PDE4A: variants seen among roughly 807,000 people sequenced by gnomAD.
PDE4A encodes the protein 3',5'-cyclic-AMP phosphodiesterase 4A.
Under a neutral mutation model 73.9 loss-of-function variants are expected in PDE4A, and 21 were observed. The observed-to-expected ratio is 0.28, with a 90% CI of 0.20 to 0.41. The LOEUF is 0.41. Ranked by LOEUF, PDE4A falls within the 10% of genes least tolerant of loss-of-function variation. PDE4A has a pLI of 1.00. For missense variants in PDE4A, 958 were observed against 1,211.4 expected (o/e 0.79, Z 3.10); for synonymous variants, 463 against 505.4 (o/e 0.92, Z 1.13).
intron 6 of PDE4A, among the ~76,000 whole-genome samples, chr19:10,452,020 GGTGT>G (rs58194674): frequency 0.086 from 12,082 of 140,064 alleles, 744 homozygotes; most frequent in African/African-American, 0.16. Flanking sequence ...TTTCTGCAAT[GGTGT>G]GTGTGTGTGT....
At chr19:10,457,063 T>A (rs2043181657) in intron 7 of PDE4A, among the ~76,000 whole-genome samples, 1 of 152,128 alleles carries the variant, frequency 6.6e-6, no homozygotes. Context: ...CCGGGCGCGG[T>A]GGCGGGTGCC....
At chr19:10,428,921 G>A (rs2042751784) in intron 1 of PDE4A, 2 of 971,882 alleles carry the variant, frequency 2.1e-6, no homozygotes, top group African/African-American at 1.8e-5. Context: ...GGCCAACATG[G>A]TGAAACCCCA....
chr19:10,420,673 C>G lies in PDE4A; in HGVS notation c.-92C>G. On this transcript the variant is annotated 5_prime_UTR_variant, in exon 1 of 15. Transcript: ENST00000380702. This position sits in a 1 kb window ranked among gnomAD's most constrained non-coding sequence, Gnocchi z 6.0. ...GCCCTACCGCGGCCGGGCGCACCCGCGGGGCCCTGGGCTCGCTGGCTTGCG... is the reference window on the plus strand; with the variant it reads ...GCCCTACCGCGGCCGGGCGCACCCGGGGGGCCCTGGGCTCGCTGGCTTGCG... 7.3e-7 allele frequency: 1 copy of G among 1,368,898 alleles called. No individual in the cohort carries two copies. The highest frequency in any genetic ancestry group is 9.3e-7 in the Non-Finnish European group (1 of 1,069,550). The allele number at this position is 1,368,898 out of a possible 1,614,324, so 84.8% of individuals were successfully genotyped here. A position where few individuals can be genotyped will look rare whatever the true frequency, so the allele number is the denominator to read the frequency against.
intron 1 of PDE4A, chr19:10,432,427 T>A (rs2042806444): frequency 1.4e-6 from 2 of 1,428,512 alleles, no homozygotes; most frequent in African/African-American, 1.5e-5. Flanking sequence ...CGACGGCGCT[T>A]GGCTCCCATG....
intron 7 of PDE4A, among the ~76,000 whole-genome samples, chr19:10,455,656 C>T (rs1376388598): frequency 6.6e-6 from 1 of 151,414 alleles, no homozygotes; most frequent in Non-Finnish European, 1.5e-5. Context: ...CAAACAAACA[C>T]CTCTTTGTTT....
At chr19:10,418,017 A>AC (rs2042605091), upstream of PDE4A, among the ~76,000 whole-genome samples, 2 of 152,112 alleles carry the variant, frequency 1.3e-5, no homozygotes, top group South Asian at 4.2e-4. Flanking sequence ...TGACACCCCT[A>AC]CCCCAAGGCA....
chr19:10,442,159 C>T (rs924841433), intron 1 of PDE4A, among the ~76,000 whole-genome samples: 4 of 152,056 alleles, frequency 2.6e-5, no homozygotes, highest in Non-Finnish European at 4.4e-5. Flanking sequence ...AGGAACCCCC[C>T]GCTTCCCCTT....
chr19:10,435,434 G>A (rs143328130), intron 1 of PDE4A, among the ~76,000 whole-genome samples: 14 of 151,752 alleles, frequency 9.2e-5, no homozygotes, highest in East Asian at 1.9e-4. Flanking sequence ...GGTGGTGTGC[G>A]CCTGTGGTTC....
chr19:10,436,897 G>T (rs1387263064), intron 1 of PDE4A, among the ~76,000 whole-genome samples: 1 of 152,062 alleles, frequency 6.6e-6, no homozygotes, highest in Non-Finnish European at 1.5e-5. Context: ...AAATTAGCCA[G>T]GTGTAGTGGC....
chr19:10,442,564 C>A (rs941179960), intron 1 of PDE4A, among the ~76,000 whole-genome samples: 1 of 151,808 alleles, frequency 6.6e-6, no homozygotes, highest in Non-Finnish European at 1.5e-5. Flanking sequence ...TAAGAAGACA[C>A]GCTTTAGGCA....
chr19:10,423,599 AGT>A (rs1255275644), intron 1 of PDE4A, among the ~76,000 whole-genome samples: 3 of 152,220 alleles, frequency 2.0e-5, no homozygotes, highest in Admixed American at 1.3e-4. Context: ...CAGTCTGTAG[AGT>A]GGGGCTTTTG....
intron 1 of PDE4A, among the ~76,000 whole-genome samples, chr19:10,438,394 A>T: frequency 6.6e-6 from 1 of 151,804 alleles, no homozygotes; most frequent in Non-Finnish European, 1.5e-5. Context: ...TACAGGCGTG[A>T]GCCACCACAC....
intron 1 of PDE4A, among the ~76,000 whole-genome samples, chr19:10,441,854 T>TA (rs1271568887): frequency 6.6e-6 from 1 of 151,582 alleles, no homozygotes; most frequent in African/African-American, 2.4e-5. Context: ...TACGCCCGGC[T>TA]AATTTTTGAA....
At chr19:10,420,460 G>T, upstream of PDE4A, 1 of 823,262 alleles carries the variant, frequency 1.2e-6, no homozygotes, top group Non-Finnish European at 1.5e-6. This position sits in a 1 kb window ranked among gnomAD's most constrained non-coding sequence, Gnocchi z 6.0. Flanking sequence ...CGGGCGGGGG[G>T]CGGGGAGGGG....
At position 10,467,543 on chromosome 19, in the gene PDE4A, C is replaced by A; in HGVS notation, c.2583C>A (p.Ala861=). The A allele has an allele frequency of 6.2e-7, 1 of 1,612,144 alleles. No homozygotes were observed. Among genetic ancestry groups the A allele is most frequent in the Non-Finnish European group, 8.5e-7 (1 of 1,179,434 alleles). The change falls in exon 15 of 15, where the codon GCC becomes GCA. Residue 861 remains alanine (A), a synonymous_variant. Coordinates refer to ENST00000380702, the MANE Select transcript of PDE4A (RefSeq NM_001111307.2). ...AGGCTGCCAAGAGGGCTTGCAGTGC[C>A]TGCGCAGGGACATTTGGGGAGGACA... The part of the protein sequence containing the change: ...EHQAAKRACS[A]CAGTFGEDTS...
intron 1 of PDE4A, among the ~76,000 whole-genome samples, chr19:10,443,544 CAAAA>C (rs58920826): frequency 2.2e-4 from 26 of 120,920 alleles, no homozygotes; most frequent in Non-Finnish European, 2.4e-4. Flanking sequence ...GACCCTGTCT[CAAAA>C]AAAAAAAAAA....
rs1350663235 is a variant in PDE4A at position 10,453,263 on chromosome 19, G to T, written c.784-1566G>T. 3 of 1,612,496 alleles carry T rather than the reference G, an allele frequency of 1.9e-6. No homozygotes were observed. The African/African-American group carries it at 4.0e-5, about 22-fold the overall frequency. On this transcript the variant is annotated intron_variant, in intron 6 of 14. Transcript: ENST00000380702. This position sits in a 1 kb window ranked among gnomAD's most constrained non-coding sequence, Gnocchi z 4.6. Reference sequence around the variant, plus strand: ...AGCCCCAGGCGGGCTAAGTCTCCAAGATGCCCTTGGTGGATTTCTTCTGCG... The same window carrying T: ...AGCCCCAGGCGGGCTAAGTCTCCAATATGCCCTTGGTGGATTTCTTCTGCG...
intron 7 of PDE4A, among the ~76,000 whole-genome samples, chr19:10,456,957 G>C (rs2043179425): frequency 6.6e-6 from 1 of 152,188 alleles, no homozygotes; most frequent in African/African-American, 2.4e-5. Flanking sequence ...CAGCACTTTG[G>C]GAGGCCGAGG....
rs543019572 is a variant in PDE4A at position 10,420,573 on chromosome 19, C to T, written c.-192C>T. On this transcript the variant is annotated 5_prime_UTR_variant, in exon 1 of 15. Transcript: ENST00000380702. The surrounding 1 kb of genome is among the most constrained non-coding windows in gnomAD (Gnocchi z 6.0). ...GGGCACTGAGCAGAGCTCCAGGCGC[C>T]GAAAGGAAGCTGCAGAGCCCGGCCC... The T allele has an allele frequency of 1.5e-4, 191 of 1,251,282 alleles. No individual in the cohort carries two copies. In the African/African-American group the frequency reaches 2.8e-3, roughly 19 times the overall value. The allele number at this position is 1,251,282 out of a possible 1,614,324, so 77.5% of individuals were successfully genotyped here. A position where few individuals can be genotyped will look rare whatever the true frequency, so the allele number is the denominator to read the frequency against.
Sources: allele counts gnomAD v4.1 joint callset (sites outside exome capture counted in the v4.1 genomes callset), GRCh38; gene constraint gnomAD v4.1.1; non-coding constraint Gnocchi (gnomAD v3.1); transcripts MANE v1.5; gene names NCBI Gene and HGNC (gene_info 2026-07-23, HGNC 2026-07-21).